The following STK3 variants were observed in gnomAD, a reference collection of about 807,000 sequenced individuals.
STK3 encodes serine/threonine-protein kinase 3.
In STK3, 41 loss-of-function variants were observed where a neutral mutation model predicts 58.0. That is an observed-to-expected ratio of 0.71 (90% confidence interval 0.55 to 0.92). The LOEUF is 0.92. STK3 is among the 40% of genes least tolerant of loss of function. The pLI is 0.00. For missense variants in STK3, 479 were observed against 602.7 expected (o/e 0.79, Z 2.15); for synonymous variants, 170 against 191.0 (o/e 0.89, Z 0.91).
At chr8:98,622,225 C>A (rs1056124947) in intron 6 of STK3, among the ~76,000 whole-genome samples, 1 of 151,080 alleles carries the variant, frequency 6.6e-6, no homozygotes, top group Non-Finnish European at 1.5e-5. Flanking sequence ...GCTGAGATTG[C>A]GCCACTGCAC....
In STK3 at chr8:98,916,544, C is replaced by A. The variant is rs556364359; in HGVS notation, c.-79+25834G>T. Reference sequence around the variant, plus strand: ...ACAAGCACTGTGTCTACAGTCTTCACAACTGAGACTTAGTTTCTCTTCCTG... The same window carrying A: ...ACAAGCACTGTGTCTACAGTCTTCAAAACTGAGACTTAGTTTCTCTTCCTG... On this transcript the variant is annotated intron_variant, in intron 1 of 1. Coordinates refer to the STK3 transcript ENST00000519420. Among the ~76,000 whole-genome samples, 3 of 152,350 alleles carry A rather than the reference C, an allele frequency of 2.0e-5. No individual in the cohort carries two copies. The East Asian group carries it at 5.8e-4, about 29-fold the overall frequency.
intron 6 of STK3, among the ~76,000 whole-genome samples, chr8:98,648,114 T>A (rs1245998656): frequency 6.6e-6 from 1 of 152,192 alleles, no homozygotes; most frequent in African/African-American, 2.4e-5. Context: ...CAACCTAATA[T>A]GTATCACTCC....
intron 10 of STK3, among the ~76,000 whole-genome samples, chr8:98,478,102 GC>G (rs1821521968): frequency 6.6e-6 from 1 of 152,148 alleles, no homozygotes; most frequent in East Asian, 1.9e-4. Context: ...GTCACATGCT[GC>G]TCTTTGTGAA....
At chr8:98,903,394 G>T (rs1838733265) in intron 1 of STK3, among the ~76,000 whole-genome samples, 3 of 152,018 alleles carry the variant, frequency 2.0e-5, no homozygotes, top group Non-Finnish European at 4.4e-5. Flanking sequence ...TCCCAGAAGA[G>T]AATGCTCTTT....
chr8:98,711,551 G>C (rs552259059), intron 4 of STK3, among the ~76,000 whole-genome samples: 4 of 152,240 alleles, frequency 2.6e-5, no homozygotes, highest in African/African-American at 9.6e-5. Context: ...AAGATCAAAT[G>C]AATGAAATGA....
At chr8:98,392,488 A>G (rs1011814317), upstream of STK3, among the ~76,000 whole-genome samples, 12 of 152,108 alleles carry the variant, frequency 7.9e-5, no homozygotes, top group Non-Finnish European at 1.5e-5. Context: ...TCCCATTTTT[A>G]TCTTCTGTTG....
intron 4 of STK3, among the ~76,000 whole-genome samples, chr8:98,711,882 G>A (rs1263270162): frequency 6.6e-6 from 1 of 152,188 alleles, no homozygotes; most frequent in African/African-American, 2.4e-5. Context: ...AGTAGCCAGA[G>A]AGAAAGGTCG....
intron 6 of STK3, among the ~76,000 whole-genome samples, chr8:98,679,636 T>C (rs755761212): frequency 2.6e-5 from 4 of 152,204 alleles, no homozygotes; most frequent in Non-Finnish European, 5.9e-5. Flanking sequence ...GTACCTAGAA[T>C]AGTCCCAAGC....
intron 1 of STK3, among the ~76,000 whole-genome samples, chr8:98,822,880 G>A (rs1173916378): frequency 6.6e-6 from 1 of 152,172 alleles, no homozygotes; most frequent in African/African-American, 2.4e-5. Flanking sequence ...ACACAAAAAT[G>A]AGCTGGGCGT....
At chr8:98,929,223 C>G (rs1839921203) in intron 1 of STK3, among the ~76,000 whole-genome samples, 1 of 152,128 alleles carries the variant, frequency 6.6e-6, no homozygotes, top group Non-Finnish European at 1.5e-5. Context: ...CTGAGCACAG[C>G]ATTGCACTCC....
chr8:98,747,553 C>A (rs1829721043), intron 4 of STK3, among the ~76,000 whole-genome samples: 3 of 152,126 alleles, frequency 2.0e-5, no homozygotes, highest in South Asian at 2.1e-4. Flanking sequence ...CCTACAACAT[C>A]CAGATATTTT....
chr8:98,674,979 T>C (rs1823092234), intron 6 of STK3, among the ~76,000 whole-genome samples: 1 of 147,848 alleles, frequency 6.8e-6, no homozygotes, highest in Admixed American at 7.0e-5. Flanking sequence ...ATTAAATTAT[T>C]AGAATAAACT....
chr8:98,438,323 C>T (rs939600256), intron 1 of STK3: 2 of 151,684 alleles, frequency 1.3e-5, no homozygotes, highest in African/African-American at 4.9e-5. Context: ...TTAGAGCCTG[C>T]AAGGAGCTCC....
At chr8:98,788,677 CAAAG>C (rs1490323562) in intron 1 of STK3, among the ~76,000 whole-genome samples, 1 of 151,976 alleles carries the variant, frequency 6.6e-6, no homozygotes, top group Non-Finnish European at 1.5e-5. Context: ...TTAAAAAAGA[CAAAG>C]AGAGTCATAA....
chr8:98,770,071 A>G (rs965504309), intron 2 of STK3, among the ~76,000 whole-genome samples: 1 of 152,276 alleles, frequency 6.6e-6, no homozygotes, highest in African/African-American at 2.4e-5. Context: ...ATTTAGATAG[A>G]TTCTCATTAA....
chr8:98,398,259 T>C (rs1200662428), downstream of STK3, among the ~76,000 whole-genome samples: 2 of 151,996 alleles, frequency 1.3e-5, no homozygotes, highest in African/African-American at 2.4e-5. Context: ...AAGGAAAGAG[T>C]GACCCTCCCA....
intron 4 of STK3, among the ~76,000 whole-genome samples, chr8:98,742,139 T>C (rs1454526830): frequency 6.6e-6 from 1 of 151,902 alleles, no homozygotes; most frequent in African/African-American, 2.4e-5. Context: ...CACAGCCGAA[T>C]TCTACCAGAG....
intron 8 of STK3, among the ~76,000 whole-genome samples, chr8:98,573,128 C>T (rs997376308): frequency 6.6e-6 from 1 of 152,090 alleles, no homozygotes; most frequent in African/African-American, 2.4e-5. Flanking sequence ...AAAAAACTGT[C>T]AGAAGCCTGA....
At chr8:98,569,285 T>C (rs986624849) in intron 8 of STK3, among the ~76,000 whole-genome samples, 1 of 151,546 alleles carries the variant, frequency 6.6e-6, no homozygotes, top group Non-Finnish European at 1.5e-5. Flanking sequence ...CTGGGAGATA[T>C]GATACATAAA....
Sources: gnomAD v4.1 joint callset for allele counts (sites outside exome capture counted in the v4.1 genomes callset) on GRCh38, gnomAD v4.1.1 for gene constraint, MANE v1.5 for transcripts, NCBI Gene and HGNC (gene_info 2026-07-23, HGNC 2026-07-21) for gene names.